Variants in SAMD4A observed in about 807,000 individuals in gnomAD.
SAMD4A encodes the protein protein Smaug homolog 1.
In SAMD4A, 33 loss-of-function variants were observed where a neutral mutation model predicts 81.3. The ratio of observed to expected loss-of-function variants is 0.41; its 90% CI spans 0.31 to 0.54. The LOEUF (loss-of-function observed/expected upper bound fraction) is 0.54. SAMD4A is among the 20% of genes least tolerant of loss of function. The pLI, the probability that SAMD4A is intolerant of heterozygous loss-of-function variation, is 0.37. For missense variants in SAMD4A, 854 were observed against 951.1 expected, an observed-to-expected ratio of 0.90 and a Z score of 1.34; for synonymous variants, 389 against 382.1, an observed-to-expected ratio of 1.02 and a Z score of -0.21.
intron 3 of SAMD4A, among the ~76,000 whole-genome samples, chr14:54,710,191 C>G (rs1594843589): frequency 6.6e-6 from 1 of 152,146 alleles, no homozygotes; most frequent in Admixed American, 6.5e-5. Flanking sequence ...TCTACAGATT[C>G]ATGGCACATT....
At chr14:54,605,248 C>T (rs1018492468) in intron 2 of SAMD4A, among the ~76,000 whole-genome samples, 6 of 152,010 alleles carry the variant, frequency 3.9e-5, no homozygotes, top group African/African-American at 1.5e-4. Flanking sequence ...CACCAAAAAT[C>T]TACTCAGGCC....
chr14:54,789,044 G>A lies in SAMD4A; in HGVS notation c.*100G>A, dbSNP rs2039212911. 1.4e-6 allele frequency: 2 copies of A among 1,396,376 alleles called. No individual in the cohort carries two copies. The highest frequency in any genetic ancestry group is 2.3e-5 in the South Asian group (2 of 86,582). The allele number at this position is 1,396,376 out of a possible 1,614,324, so 86.5% of individuals were successfully genotyped here. On this transcript the variant is annotated 3_prime_UTR_variant, in exon 13 of 13. Transcript: ENST00000554335. ...TGCACAGAATCCTCCAAGATACTTT[G>A]CAGCCTTTTTTCCCCCTGGTCCCTC... is the stretch of plus-strand genomic sequence containing the variant.
chr14:54,588,531 A>G (rs534160111), intron 2 of SAMD4A, among the ~76,000 whole-genome samples: 1 of 152,126 alleles, frequency 6.6e-6, no homozygotes, highest in Non-Finnish European at 1.5e-5. Flanking sequence ...AATGCTAACC[A>G]TGACATCCTT....
At chr14:54,616,468 C>T (rs1300036165) in intron 2 of SAMD4A, among the ~76,000 whole-genome samples, 1 of 152,172 alleles carries the variant, frequency 6.6e-6, no homozygotes, top group East Asian at 1.9e-4. Flanking sequence ...TTGTATGTAG[C>T]TGTGTGTGTC....
intron 3 of SAMD4A, among the ~76,000 whole-genome samples, chr14:54,720,212 A>G (rs917574572): frequency 1.3e-5 from 2 of 151,862 alleles, no homozygotes; most frequent in African/African-American, 4.8e-5. Flanking sequence ...TTTGTATTGC[A>G]TTCTGTTCTT....
At chr14:54,590,113 T>C (rs890818969) in intron 2 of SAMD4A, among the ~76,000 whole-genome samples, 2 of 152,214 alleles carry the variant, frequency 1.3e-5, no homozygotes, top group Non-Finnish European at 2.9e-5. Context: ...ATTTGTTGAA[T>C]GAGTTAATTC....
At chr14:54,591,320 G>A (rs2033769015) in intron 2 of SAMD4A, among the ~76,000 whole-genome samples, 2 of 152,102 alleles carry the variant, frequency 1.3e-5, no homozygotes, top group Non-Finnish European at 2.9e-5. Context: ...TTAGGGGGTG[G>A]TTTGCCATTG....
chr14:54,737,428 G>A, intron 4 of SAMD4A, 141 bp downstream of exon 4: 1 of 988,712 alleles, frequency 1.0e-6, no homozygotes, highest in Non-Finnish European at 1.4e-6. Flanking sequence ...GTCCCTTCCA[G>A]AACTCCAGGT....
chr14:54,639,896 A>G (rs1021379473), intron 2 of SAMD4A, among the ~76,000 whole-genome samples: 1 of 152,158 alleles, frequency 6.6e-6, no homozygotes, highest in Non-Finnish European at 1.5e-5. Context: ...GCAGTCTAAC[A>G]TTCTGCCATT....
chr14:54,643,737 A>C (rs1210242133), intron 2 of SAMD4A, among the ~76,000 whole-genome samples: 1 of 152,212 alleles, frequency 6.6e-6, no homozygotes, highest in Non-Finnish European at 1.5e-5. Context: ...TTGTGCCTTC[A>C]AAGAATGTTT....
chr14:54,685,279 C>T (rs541406210), intron 2 of SAMD4A, among the ~76,000 whole-genome samples: 3 of 148,268 alleles, frequency 2.0e-5, no homozygotes, highest in South Asian at 2.2e-4. Context: ...TTCCTGCCCC[C>T]CCCCCCAGCT....
chr14:54,742,623 C>G (rs2037872857), intron 4 of SAMD4A, among the ~76,000 whole-genome samples: 1 of 152,150 alleles, frequency 6.6e-6, no homozygotes, highest in South Asian at 2.1e-4. Flanking sequence ...TTGTACTTGC[C>G]TGTGTGAAGA....
chr14:54,662,856 G>A (rs2035674753), intron 2 of SAMD4A, among the ~76,000 whole-genome samples: 1 of 152,178 alleles, frequency 6.6e-6, no homozygotes, highest in African/African-American at 2.4e-5. Flanking sequence ...GACCCCCAGA[G>A]AGGTCTTGGA....
chr14:54,593,621 G>C (rs911213731), intron 2 of SAMD4A, among the ~76,000 whole-genome samples: 1 of 152,122 alleles, frequency 6.6e-6, no homozygotes, highest in Admixed American at 6.5e-5. Context: ...TTTTACAAAT[G>C]CTTAGTTTCG....
At chr14:54,657,465 C>T (rs2035545587) in intron 2 of SAMD4A, among the ~76,000 whole-genome samples, 1 of 152,054 alleles carries the variant, frequency 6.6e-6, no homozygotes, top group East Asian at 1.9e-4. Flanking sequence ...TTTTGTTCAT[C>T]GCCAGATGAG....
In SAMD4A at chr14:54,567,806, G is replaced by A; in HGVS notation, c.-111G>A. 1 of 1,195,322 alleles carries A rather than the reference G, an allele frequency of 8.4e-7. No homozygotes were observed. 74.0% of individuals were successfully genotyped at this position (1,195,322 alleles called of 1,614,324 possible). ...GCGTCCGGGCACCAGAGCCACCTTGGAACAGGAACGCGTCTCCGGCCGCGG... is the reference window on the plus strand; with the variant it reads ...GCGTCCGGGCACCAGAGCCACCTTGAAACAGGAACGCGTCTCCGGCCGCGG... On this transcript the variant is annotated 5_prime_UTR_variant, in exon 2 of 13. Transcript: ENST00000554335.
At chr14:54,688,493 CTT>C (rs1176958909) in intron 2 of SAMD4A, among the ~76,000 whole-genome samples, 2 of 152,166 alleles carry the variant, frequency 1.3e-5, no homozygotes, top group Non-Finnish European at 2.9e-5. Flanking sequence ...CTTGGCCAGA[CTT>C]TGTTTATTCT....
chr14:54,583,068 C>T (rs1054020228), intron 2 of SAMD4A, among the ~76,000 whole-genome samples: 4 of 152,114 alleles, frequency 2.6e-5, no homozygotes, highest in African/African-American at 2.4e-5. Flanking sequence ...CTCAGCCTCC[C>T]GAGTAGCTGG....
chr14:54,702,157 A>C lies in SAMD4A; in HGVS notation c.292A>C (p.Lys98Gln), dbSNP rs781175512. 3 of 1,614,162 alleles carry C rather than the reference A, an allele frequency of 1.9e-6. No homozygotes were observed. In the Admixed American group the frequency reaches 5.0e-5, roughly 27 times the overall value. ...PLLKPGNLDA[K>Q]VEYMKLLPKI... ...GCTGAAGCCAGGAAACCTCGACGCG[A>C]AAGTAGAATATATGAAACTGCTGCC... The change falls in exon 3 of 13, where the codon AAA becomes CAA. Residue 98 changes from lysine to glutamine, a missense_variant. Lys to Gln is a moderately conservative substitution (Grantham distance 53). Transcript: ENST00000554335.
Sources: gnomAD v4.1 joint callset for allele counts (sites outside exome capture counted in the v4.1 genomes callset) on GRCh38, gnomAD v4.1.1 for gene constraint, MANE v1.5 for transcripts, NCBI Gene and HGNC (gene_info 2026-07-23, HGNC 2026-07-21) for gene names.